GRM7: variants seen among roughly 807,000 people sequenced by gnomAD.
GRM7 encodes glutamate metabotropic receptor 7, also known as metabotropic glutamate receptor 7.
Under a neutral mutation model 84.5 loss-of-function variants are expected in GRM7, and 35 were observed. The ratio of observed to expected loss-of-function variants is 0.41; its 90% confidence interval spans 0.32 to 0.55. The LOEUF is 0.55. Among genes scored for constraint, GRM7 ranks in the 20% least tolerant of loss-of-function variants. GRM7 has a pLI of 0.19. For synonymous variants in GRM7, 487 were observed against 455.1 expected (o/e 1.07, Z -0.89); for missense variants, 1,003 against 1,194.6 (o/e 0.84, Z 2.36).
intron 5 of GRM7, among the ~76,000 whole-genome samples, chr3:7,436,407 T>C (rs1697058885): frequency 2.0e-5 from 3 of 152,228 alleles, no homozygotes; most frequent in Non-Finnish European, 4.4e-5. Flanking sequence ...CTTTTTCTTC[T>C]ATTTTTTAAC....
rs565857795 is a variant in GRM7, at chr3:7,083,911, G to A, written c.520-62541G>A. ...GGTAGAAACACCAGCAACCTGAGTG[G>A]CAATGAGGTGGGAATGTGTTTGAAT... On this transcript the variant is annotated intron_variant, in intron 1 of 9. Coordinates refer to ENST00000357716, the MANE Select transcript of GRM7 (RefSeq NM_000844.4). Among the ~76,000 whole-genome samples, 9 of 152,238 alleles carry A rather than the reference G, an allele frequency of 5.9e-5. No individual in the cohort carries two copies. In the South Asian group the frequency reaches 1.9e-3, roughly 32 times the overall value.
At chr3:7,197,790 C>T (rs1411766756) in intron 2 of GRM7, among the ~76,000 whole-genome samples, 1 of 151,518 alleles carries the variant, frequency 6.6e-6, no homozygotes, top group Non-Finnish European at 1.5e-5. Flanking sequence ...TATATAGTTA[C>T]TGTCATGCTT....
At chr3:7,063,626 G>C (rs1697511182) in intron 1 of GRM7, among the ~76,000 whole-genome samples, 1 of 151,632 alleles carries the variant, frequency 6.6e-6, no homozygotes, top group African/African-American at 2.4e-5. Flanking sequence ...AATTTGGCTA[G>C]GTTTATAATC....
chr3:6,861,550 G>T lies in GRM7; in HGVS notation c.162G>T (p.Leu54=). 6.3e-7 allele frequency: 1 copy of T among 1,590,598 alleles called. No individual in the cohort carries two copies. The highest frequency in any genetic ancestry group is 1.3e-5 in the African/African-American group (1 of 74,526). Residue 54 remains leucine (L), a synonymous_variant, in exon 1 of 10, where the codon CTG becomes CTT. Transcript: ENST00000357716. The surrounding 1 kb of genome is among the most constrained non-coding windows in gnomAD (Gnocchi z 6.4). The stretch of plus-strand genomic sequence containing the variant: ...AGGGGGACGTCACCCTCGGGGGGCT[G>T]TTCCCCGTGCACGCCAAGGGTCCCA... ...RIEGDVTLGG[L]FPVHAKGPSG...
intron 1 of GRM7, among the ~76,000 whole-genome samples, chr3:7,102,010 A>G (rs540259052): frequency 6.6e-6 from 1 of 151,578 alleles, no homozygotes; most frequent in South Asian, 2.1e-4. Context: ...TGTTGTCACT[A>G]TTTTACATTT....
chr3:7,623,017 A>G (rs534468568), intron 8 of GRM7, among the ~76,000 whole-genome samples: 2 of 152,282 alleles, frequency 1.3e-5, no homozygotes, highest in East Asian at 1.9e-4. Context: ...TGCTCTCCAA[A>G]TGCCATGTGG....
chr3:7,194,255 G>T (rs1249276161), intron 2 of GRM7, among the ~76,000 whole-genome samples: 1 of 152,024 alleles, frequency 6.6e-6, no homozygotes, highest in African/African-American at 2.4e-5. Flanking sequence ...GCTGATCCAA[G>T]ACAAGGTCTC....
At chr3:7,658,880 T>C (rs1699313931) in intron 8 of GRM7, among the ~76,000 whole-genome samples, 1 of 152,218 alleles carries the variant, frequency 6.6e-6, no homozygotes, top group Non-Finnish European at 1.5e-5. Flanking sequence ...TTCTAATTTA[T>C]AAAAAGATAA....
At chr3:6,869,608 CAGAG>C (rs1277675134) in intron 1 of GRM7, among the ~76,000 whole-genome samples, 9 of 67,794 alleles carry the variant, frequency 1.3e-4, no homozygotes, top group African/African-American at 2.3e-4. Context: ...TCTATGGAGA[CAGAG>C]AGAGAGAAAG....
rs147606590 is a variant in GRM7, at chr3:7,537,521, A to T, written c.1516-40901A>T. On this transcript the variant is annotated intron_variant, in intron 7 of 9. Transcript: ENST00000357716. Reference sequence around the variant, plus strand: ...TAAATCTATCCACTAGTCAATCAATAAGGCAAATGACTAGGCTTAACTACT... The same window carrying T: ...TAAATCTATCCACTAGTCAATCAATTAGGCAAATGACTAGGCTTAACTACT... Among the ~76,000 whole-genome samples, 22 of 152,326 alleles carry T rather than the reference A, an allele frequency of 1.4e-4. No individual in the cohort carries two copies. The East Asian group carries it at 4.1e-3, about 28-fold the overall frequency.
chr3:7,179,671 C>T (rs893865599), intron 2 of GRM7, among the ~76,000 whole-genome samples: 6 of 152,168 alleles, frequency 3.9e-5, no homozygotes, highest in African/African-American at 1.4e-4. Context: ...TAACTTGCCT[C>T]CTACTTGATT....
At chr3:7,564,229 G>A in intron 7 of GRM7, among the ~76,000 whole-genome samples, 1 of 152,132 alleles carries the variant, frequency 6.6e-6, no homozygotes, top group East Asian at 1.9e-4. Flanking sequence ...AATTGTAATA[G>A]ACAGAACTCA....
chr3:7,263,913 G>A (rs1184847775), intron 2 of GRM7, among the ~76,000 whole-genome samples: 1 of 152,140 alleles, frequency 6.6e-6, no homozygotes, highest in Non-Finnish European at 1.5e-5. Flanking sequence ...ATACACACGT[G>A]CCAGCAAAGT....
At chr3:7,542,113 T>C (rs1692912959) in intron 7 of GRM7, among the ~76,000 whole-genome samples, 1 of 152,212 alleles carries the variant, frequency 6.6e-6, no homozygotes, top group African/African-American at 2.4e-5. Context: ...CCTAATGAAG[T>C]ATGACCTCAT....
At chr3:7,493,214 A>T (rs1699584946) in intron 7 of GRM7, among the ~76,000 whole-genome samples, 2 of 151,916 alleles carry the variant, frequency 1.3e-5, no homozygotes, top group Admixed American at 6.6e-5. Context: ...CATGTTGTTT[A>T]TATTCTTGCT....
At chr3:7,698,148 C>G (rs1184342280) in intron 9 of GRM7, among the ~76,000 whole-genome samples, 1 of 152,060 alleles carries the variant, frequency 6.6e-6, no homozygotes, top group Non-Finnish European at 1.5e-5. Context: ...TTGACTTATG[C>G]CAGATGTATG....
chr3:7,577,811 A>G (rs561590796), intron 7 of GRM7, among the ~76,000 whole-genome samples: 1 of 152,330 alleles, frequency 6.6e-6, no homozygotes, highest in East Asian at 1.9e-4. Flanking sequence ...CTCCCCTGTG[A>G]TAGTAGATTC....
intron 1 of GRM7, among the ~76,000 whole-genome samples, chr3:7,135,839 T>C (rs1021888915): frequency 6.6e-6 from 1 of 152,118 alleles, no homozygotes; most frequent in Non-Finnish European, 1.5e-5. Flanking sequence ...TTTATGTAAA[T>C]ATTTAGAAAT....
intron 4 of GRM7, among the ~76,000 whole-genome samples, chr3:7,368,846 C>T (rs1694016489): frequency 6.6e-6 from 1 of 152,070 alleles, no homozygotes; most frequent in South Asian, 2.1e-4. Flanking sequence ...AAATTTAGCG[C>T]TTAGCACATA....
Sources: allele counts gnomAD v4.1 joint callset (sites outside exome capture counted in the v4.1 genomes callset), GRCh38; gene constraint gnomAD v4.1.1; non-coding constraint Gnocchi (gnomAD v3.1); transcripts MANE v1.5; gene names NCBI Gene and HGNC (gene_info 2026-07-23, HGNC 2026-07-21).